Variants in TFPI observed in about 807,000 individuals in gnomAD.
TFPI encodes anti-convertin.
A neutral mutation model predicts 34.6 loss-of-function variants in TFPI; 15 were observed. The observed-to-expected ratio is 0.43, with a 90% CI of 0.29 to 0.67. The LOEUF is 0.67. TFPI is among the 30% of genes least tolerant of loss of function. The pLI is 0.15. For missense variants in TFPI, 301 were observed against 364.0 expected, an observed-to-expected ratio of 0.83 and a Z score of 1.41; for synonymous variants, 105 against 120.1, an observed-to-expected ratio of 0.87 and a Z score of 0.82.
chr2:187,523,212 A>G (rs1372193385), intron 1 of TFPI, among the ~76,000 whole-genome samples: 1 of 152,144 alleles, frequency 6.6e-6, no homozygotes, highest in African/African-American at 2.4e-5. Flanking sequence ...ATAAGGAACC[A>G]ACTTTGTTTA....
At chr2:187,520,795 T>C (rs1467312279) in intron 1 of TFPI, among the ~76,000 whole-genome samples, 2 of 152,164 alleles carry the variant, frequency 1.3e-5, no homozygotes, top group Non-Finnish European at 2.9e-5. Flanking sequence ...CTCATGGATA[T>C]ATATTCTATA....
At chr2:187,523,749 T>C (rs1345263530) in intron 1 of TFPI, among the ~76,000 whole-genome samples, 1 of 152,116 alleles carries the variant, frequency 6.6e-6, no homozygotes, top group Non-Finnish European at 1.5e-5. Context: ...CCTTCCCTCC[T>C]CTATTCCCTT....
intron 1 of TFPI, among the ~76,000 whole-genome samples, chr2:187,549,809 A>G (rs891634024): frequency 2.6e-5 from 4 of 152,072 alleles, no homozygotes; most frequent in African/African-American, 7.2e-5. Context: ...TGAAAATACA[A>G]TTTTAAAAGC....
At chr2:187,513,169 G>C (rs1686762174) in intron 1 of TFPI, among the ~76,000 whole-genome samples, 1 of 152,110 alleles carries the variant, frequency 6.6e-6, no homozygotes, top group South Asian at 2.1e-4. Context: ...TAATCATAAA[G>C]AAAATTCTGT....
At position 187,465,036 on chromosome 2, in the gene TFPI, C is replaced by G. The variant is rs1691648850; in HGVS notation, c.*1900G>C. The G allele has an allele frequency of 6.6e-6, 1 of 152,046 alleles. No individual in the cohort carries two copies. The highest frequency in any genetic ancestry group is 1.5e-5 in the Non-Finnish European group (1 of 68,022). The allele number at this position is 152,046 out of a possible 1,614,324, so 9.4% of individuals were successfully genotyped here. A position where few individuals can be genotyped will look rare whatever the true frequency, so the allele number is the denominator to read the frequency against. ...GTACAGTGAGCATTCTTAACTAAAT[C>G]AAAGTAGTCATGAAAGAAAGTACTG... is the stretch of plus-strand genomic sequence containing the variant. On this transcript the variant is annotated 3_prime_UTR_variant, in exon 8 of 8. Coordinates refer to ENST00000233156, the MANE Select transcript of TFPI (RefSeq NM_006287.6).
intron 3 of TFPI, among the ~76,000 whole-genome samples, chr2:187,491,237 A>G (rs944965416): frequency 6.6e-6 from 1 of 151,608 alleles, no homozygotes; most frequent in East Asian, 1.9e-4. Context: ...TAGAAGTACG[A>G]TTTTGTTATG....
chr2:187,498,297 G>T (rs1055598693), intron 2 of TFPI, among the ~76,000 whole-genome samples: 1 of 151,602 alleles, frequency 6.6e-6, no homozygotes, highest in Non-Finnish European at 1.5e-5. Context: ...TGAATTTTTT[G>T]AAACAGAAAA....
chr2:187,498,816 G>A (rs8176443), intron 2 of TFPI, among the ~76,000 whole-genome samples: 5,600 of 151,802 alleles, frequency 0.037, 330 homozygotes, highest in African/African-American at 0.13. Flanking sequence ...ATTATGATAC[G>A]GGGATAGTTT....
rs752099702 is a variant in TFPI at position 187,466,885 on chromosome 2, CAT to C, written c.*49_*50del. ...AGAAAAATAGAAAATCATAGTGAAA[CAT>C]TTCATATAAAATATTTAGTAGAATT... is the stretch of plus-strand genomic sequence containing the variant. On this transcript the variant is annotated 3_prime_UTR_variant, in exon 8 of 8. Coordinates refer to ENST00000233156, the MANE Select transcript of TFPI (RefSeq NM_006287.6). The C allele has an allele frequency of 9.8e-7, 1 of 1,022,946 alleles. No individual in the cohort carries two copies. Among genetic ancestry groups the C allele is most frequent in the African/African-American group, 1.7e-5 (1 of 59,586 alleles). 63.4% of individuals were successfully genotyped at this position (1,022,946 alleles called of 1,614,324 possible). A position where few individuals can be genotyped will look rare whatever the true frequency, so the allele number is the denominator to read the frequency against.
chr2:187,543,372 A>G (rs147270567), intron 1 of TFPI, among the ~76,000 whole-genome samples: 216 of 152,362 alleles, frequency 1.4e-3, no homozygotes, highest in African/African-American at 4.8e-3. Context: ...TAATTTGGGA[A>G]TAATCCACAT....
Position 187,527,709 on chromosome 2 carries a change from T to C in TFPI, c.-2-23939A>G, listed in dbSNP as rs535882509. On this transcript the variant is annotated intron_variant, in intron 1 of 7. Coordinates refer to ENST00000233156, the MANE Select transcript of TFPI (RefSeq NM_006287.6). The stretch of plus-strand genomic sequence containing the variant: ...TATATACCACATTTATTTAAAGCAA[T>C]AATATTAGAAGTGCAAAGATGTATC... 2.1e-4 allele frequency among the ~76,000 whole-genome samples: 32 copies of C among 152,324 alleles called. No homozygotes were observed. In the South Asian group the frequency reaches 6.0e-3, roughly 29 times the overall value.
chr2:187,499,046 T>C (rs968720056), intron 2 of TFPI, among the ~76,000 whole-genome samples: 12 of 151,940 alleles, frequency 7.9e-5, no homozygotes, highest in African/African-American at 2.9e-4. Flanking sequence ...TAAATATCTA[T>C]AGTATATATA....
chr2:187,544,399 T>G (rs542924269), intron 1 of TFPI: 15 of 152,214 alleles, frequency 9.9e-5, no homozygotes, highest in African/African-American at 3.4e-4. Flanking sequence ...CAGATTAAAA[T>G]AAAATATGGG....
chr2:187,548,848 C>T (rs1044266814), intron 1 of TFPI, among the ~76,000 whole-genome samples: 3 of 151,906 alleles, frequency 2.0e-5, no homozygotes, highest in African/African-American at 7.3e-5. Flanking sequence ...CCAAATTCCC[C>T]CAGATTAAAC....
intron 3 of TFPI, among the ~76,000 whole-genome samples, chr2:187,495,543 G>C (rs1288522811): frequency 6.6e-6 from 1 of 152,196 alleles, no homozygotes; most frequent in Non-Finnish European, 1.5e-5. Context: ...AATCAGTGCT[G>C]TGAGGTTAAA....
At chr2:187,507,513 C>G (rs544517964) in intron 1 of TFPI, among the ~76,000 whole-genome samples, 1 of 152,252 alleles carries the variant, frequency 6.6e-6, no homozygotes, top group South Asian at 2.1e-4. Context: ...TTTTATTTCT[C>G]CAGCATCTGT....
chr2:187,464,478 TA>T lies in TFPI; in HGVS notation c.*2457del, dbSNP rs1307409973. ...CGGTAAAAATAACGTTCACATGCAT[TA>T]AACATTTCAAGCCATCTCAGTATAT... On this transcript the variant is annotated 3_prime_UTR_variant, in exon 8 of 8. Transcript: ENST00000233156. 2.0e-5 allele frequency: 3 copies of T among 152,164 alleles called. No homozygotes were observed. The highest frequency in any genetic ancestry group is 4.4e-5 in the Non-Finnish European group (3 of 68,026). 9.4% of individuals were successfully genotyped at this position (152,164 alleles called of 1,614,324 possible).
chr2:187,542,902 C>A (rs1688660688), intron 1 of TFPI, among the ~76,000 whole-genome samples: 1 of 150,748 alleles, frequency 6.6e-6, no homozygotes, highest in Non-Finnish European at 1.5e-5. Context: ...CTGCTGGAAT[C>A]CCAACTATAA....
rs1209881446 is a variant in TFPI at position 187,465,513 on chromosome 2, AAAAAG to A, written c.*1418_*1422del. 1.3e-5 allele frequency: 2 copies of A among 150,980 alleles called. No individual in the cohort carries two copies. Among genetic ancestry groups the A allele is most frequent in the East Asian group, 1.9e-4 (1 of 5,164 alleles). 9.4% of individuals were successfully genotyped at this position (150,980 alleles called of 1,614,324 possible). On this transcript the variant is annotated 3_prime_UTR_variant, in exon 8 of 8. Transcript: ENST00000233156. ...AAATGAAAAAAAAAAAAAAACAAGA[AAAAAG>A]AAAAGAAAAAGAAAAAAGTAAAAAG...
Sources: gnomAD v4.1 joint callset for allele counts (sites outside exome capture counted in the v4.1 genomes callset) on GRCh38, gnomAD v4.1.1 for gene constraint, MANE v1.5 for transcripts, NCBI Gene and HGNC (gene_info 2026-07-23, HGNC 2026-07-21) for gene names.